The following SVBP variants were observed in gnomAD, a reference collection of about 807,000 sequenced individuals.
The protein encoded by SVBP is small vasohibin-binding protein.
SVBP carries 9 observed loss-of-function variants against 9.2 expected under a neutral mutation model. The ratio of observed to expected loss-of-function variants is 0.98; its 90% CI spans 0.59 to 1.71. The LOEUF (loss-of-function observed/expected upper bound fraction) is 1.71, where lower values mean the gene tolerates loss of function less well. SVBP is among the 40% of genes most tolerant of loss of function. The pLI is 0.00. For missense variants in SVBP, 63 were observed against 73.2 expected (o/e 0.86, Z 0.51); for synonymous variants, 27 against 23.9 (o/e 1.13, Z -0.37).
chr1:42,810,594 G>A (rs1485043757), intron 2 of SVBP, among the ~76,000 whole-genome samples: 2 of 152,108 alleles, frequency 1.3e-5, no homozygotes, highest in Non-Finnish European at 2.9e-5. Context: ...GAGGCAAGAT[G>A]GTAGGAGAAA....
chr1:42,807,171 A>ATTTTTTT lies in SVBP; in HGVS notation c.*242_*243insAAAAAAA. 4.4e-6 allele frequency: 1 copy of ATTTTTTT among 226,138 alleles called. No individual in the cohort carries two copies. Among genetic ancestry groups the ATTTTTTT allele is most frequent in the Non-Finnish European group, 8.7e-6 (1 of 114,546 alleles). 14.0% of individuals were successfully genotyped at this position (226,138 alleles called of 1,614,324 possible). A position where few individuals can be genotyped will look rare whatever the true frequency, so the allele number is the denominator to read the frequency against. On this transcript the variant is annotated 3_prime_UTR_variant, in exon 3 of 3. Coordinates refer to ENST00000372521, the MANE Select transcript of SVBP (RefSeq NM_199342.4). ...TGTGTGTGTTTTTTTTTTTTTTTTAAAAAAACCCAAAAAACAAAACCACTG... is the reference window on the plus strand; with the variant it reads ...TGTGTGTGTTTTTTTTTTTTTTTTAATTTTTTTAAAAACCCAAAAAACAAAACCACTG...
chr1:42,809,529 T>A (rs1230882802), intron 2 of SVBP, among the ~76,000 whole-genome samples: 3 of 152,120 alleles, frequency 2.0e-5, no homozygotes, highest in Non-Finnish European at 4.4e-5. Context: ...ACTTAACTAC[T>A]GACATAACAG....
At chr1:42,817,111 C>G in intron 1 of SVBP, 79 bp downstream of exon 1, 1 of 1,097,614 alleles carries the variant, frequency 9.1e-7, no homozygotes, top group Non-Finnish European at 1.1e-6. Flanking sequence ...GGACGGCCCC[C>G]GCCTCCTGCC....
chr1:42,808,104 G>A (rs1653997859), intron 2 of SVBP, among the ~76,000 whole-genome samples: 1 of 139,362 alleles, frequency 7.2e-6, no homozygotes, highest in Non-Finnish European at 1.5e-5. Context: ...AGCCAGCAAA[G>A]ATAAGTGTGC....
intron 2 of SVBP, among the ~76,000 whole-genome samples, chr1:42,814,489 G>A (rs925659822): frequency 9.9e-5 from 15 of 151,954 alleles, no homozygotes; most frequent in Non-Finnish European, 1.8e-4. Context: ...AGTGGTGCAC[G>A]CCTGTAATCC....
In SVBP at chr1:42,815,537, T is replaced by C. The variant is rs545794261; in HGVS notation, c.114+894A>G. 2.0e-5 allele frequency among the ~76,000 whole-genome samples: 3 copies of C among 152,192 alleles called. No homozygotes were observed. In the South Asian group the frequency reaches 6.2e-4, roughly 32 times the overall value. ...TAAAAGCTTTTCACTACAGCAATGT[T>C]TGTAATAGCAAAAAATACTATAAAT... On this transcript the variant is annotated intron_variant, in intron 2 of 2. Coordinates refer to ENST00000372521, the MANE Select transcript of SVBP (RefSeq NM_199342.4).
intron 1 of SVBP, 140 bp downstream of exon 1, chr1:42,817,050 G>GGCCC: frequency 9.7e-5 from 16 of 165,684 alleles, no homozygotes; most frequent in Non-Finnish European, 1.7e-4. Flanking sequence ...AGCCGGGCCC[G>GGCCC]CCCCCCACCG....
chr1:42,815,744 A>T (rs532713503), intron 2 of SVBP, among the ~76,000 whole-genome samples: 181 of 152,346 alleles, frequency 1.2e-3, no homozygotes, highest in African/African-American at 4.3e-3. Flanking sequence ...GTAAAAATTT[A>T]AAATACTACT....
chr1:42,808,641 G>A (rs1009572157), intron 2 of SVBP, among the ~76,000 whole-genome samples: 1 of 148,032 alleles, frequency 6.8e-6, no homozygotes, highest in South Asian at 2.1e-4. Flanking sequence ...ATATATGTAT[G>A]TATATATAGC....
chr1:42,810,119 C>T (rs1308620627), intron 2 of SVBP, among the ~76,000 whole-genome samples: 1 of 130,320 alleles, frequency 7.7e-6, no homozygotes, highest in Non-Finnish European at 1.6e-5. Context: ...CACACACATA[C>T]ATACATACAC....
At chr1:42,808,154 TATATATATATATATATATATATATAC>T in intron 2 of SVBP, among the ~76,000 whole-genome samples, 1 of 65,866 alleles carries the variant, frequency 1.5e-5, no homozygotes, top group East Asian at 2.9e-4. Context: ...TGTGTGTATA[TATATATATATATATATATATATATAC>T]ATACTATGTA....
At chr1:42,812,107 C>A (rs1398616226) in intron 2 of SVBP, among the ~76,000 whole-genome samples, 2 of 151,588 alleles carry the variant, frequency 1.3e-5, no homozygotes, top group Non-Finnish European at 2.9e-5. Context: ...TTTAACCAAT[C>A]TCTTTTAATA....
chr1:42,816,892 T>C (rs1016443624), intron 1 of SVBP: 13 of 202,732 alleles, frequency 6.4e-5, no homozygotes, highest in Non-Finnish European at 1.3e-4. Context: ...TGTGAAAGCG[T>C]TGCCCACTGT....
In SVBP at chr1:42,817,335, G is replaced by A. The variant is rs1654266362; in HGVS notation, c.-182C>T. ...GTCCTGGGCGGGGCCGCGCGCCGGG[G>A]GGAGGGGCGCAGGGCCGAGCGCCAG... is the stretch of plus-strand genomic sequence containing the variant. On this transcript the variant is annotated 5_prime_UTR_variant, in exon 1 of 3. Coordinates refer to ENST00000372521, the MANE Select transcript of SVBP (RefSeq NM_199342.4). 5.9e-6 allele frequency: 6 copies of A among 1,023,188 alleles called. No homozygotes were observed. The South Asian group carries it at 9.7e-5, about 17-fold the overall frequency. 63.4% of individuals were successfully genotyped at this position (1,023,188 alleles called of 1,614,324 possible). A position where few individuals can be genotyped will look rare whatever the true frequency, so the allele number is the denominator to read the frequency against.
chr1:42,816,185 T>C, intron 2 of SVBP: 1 of 444,688 alleles, frequency 2.2e-6, no homozygotes, highest in Admixed American at 4.2e-5. Flanking sequence ...CCTTTCTTCC[T>C]TCCCTTGGGT....
intron 2 of SVBP, among the ~76,000 whole-genome samples, chr1:42,810,293 G>T (rs915829199): frequency 6.6e-6 from 1 of 151,916 alleles, no homozygotes. Context: ...GACTACAGGC[G>T]TGCACCACCG....
chr1:42,808,924 T>C (rs1351053638), intron 2 of SVBP: 2 of 152,224 alleles, frequency 1.3e-5, no homozygotes, highest in Non-Finnish European at 2.9e-5. Flanking sequence ...CTCCAACTCC[T>C]GGCCTCATGT....
At chr1:42,817,050 G>GCCCCCC in intron 1 of SVBP, 140 bp downstream of exon 1, 3 of 165,684 alleles carry the variant, frequency 1.8e-5, no homozygotes, top group Non-Finnish European at 3.5e-5. Flanking sequence ...AGCCGGGCCC[G>GCCCCCC]CCCCCCACCG....
chr1:42,809,387 A>C (rs1029992714), intron 2 of SVBP, among the ~76,000 whole-genome samples: 1 of 152,192 alleles, frequency 6.6e-6, no homozygotes. Flanking sequence ...CCAAACCTAC[A>C]ATAGAGAGGA....
Sources: gnomAD v4.1 joint callset for allele counts (sites outside exome capture counted in the v4.1 genomes callset) on GRCh38, gnomAD v4.1.1 for gene constraint, MANE v1.5 for transcripts, NCBI Gene and HGNC (gene_info 2026-07-23, HGNC 2026-07-21) for gene names.